NAA60: variants seen among roughly 807,000 people sequenced by gnomAD.
The protein encoded by NAA60 is N-alpha-acetyltransferase 60.
A neutral mutation model predicts 26.1 loss-of-function variants in NAA60; 8 were observed. The ratio of observed to expected loss-of-function variants is 0.31; its 90% confidence interval spans 0.18 to 0.55. NAA60 has a LOEUF of 0.55. Ranked by LOEUF, NAA60 falls within the 20% of genes least tolerant of loss-of-function variation. NAA60 has a pLI of 0.93. For synonymous variants in NAA60, 131 were observed against 122.5 expected, an observed-to-expected ratio of 1.07 and a Z score of -0.46; for missense variants, 290 against 311.3, an observed-to-expected ratio of 0.93 and a Z score of 0.51.
At chr16:3,454,505 A>G (rs2034899571) in intron 2 of NAA60, among the ~76,000 whole-genome samples, 1 of 152,222 alleles carries the variant, frequency 6.6e-6, no homozygotes, top group African/African-American at 2.4e-5. Context: ...ATTATAGCAA[A>G]ACTTTATGGA....
At chr16:3,449,618 G>C (rs1214054585) in intron 2 of NAA60, among the ~76,000 whole-genome samples, 1 of 152,134 alleles carries the variant, frequency 6.6e-6, no homozygotes, top group Non-Finnish European at 1.5e-5. Flanking sequence ...TCAGGAAATG[G>C]AGGTTGCAGT....
Position 3,481,111 on chromosome 16 carries a change from A to T in NAA60, c.241-1391A>T, listed in dbSNP as rs575489632. Among the ~76,000 whole-genome samples, 325 of 150,868 alleles carry T rather than the reference A, an allele frequency of 2.2e-3. 2 individuals carry two copies. Among genetic ancestry groups the T allele is most frequent in the African/African-American group, 7.8e-3 (319 of 41,136 alleles). On this transcript the variant is annotated intron_variant, in intron 4 of 7. Transcript: ENST00000407558. ...GATGTAGCAGAAAGCAAGTGTCAACATTCTTTTCTCTCCTCTTTTTTTTTT... is the reference window on the plus strand; with the variant it reads ...GATGTAGCAGAAAGCAAGTGTCAACTTTCTTTTCTCTCCTCTTTTTTTTTT...
At chr16:3,452,791 C>CA (rs796192635) in intron 2 of NAA60, among the ~76,000 whole-genome samples, 5 of 150,688 alleles carry the variant, frequency 3.3e-5, no homozygotes, top group African/African-American at 1.2e-4. Context: ...TCTGTCTCTA[C>CA]AAAAAAATGA....
chr16:3,467,786 G>C (rs1172382392), intron 2 of NAA60: 1 of 152,260 alleles, frequency 6.6e-6, no homozygotes, highest in Non-Finnish European at 1.5e-5. Context: ...TCCCCTGTGG[G>C]CTGAGCACAT....
rs1341563470 is a variant in NAA60 at position 3,483,468 on chromosome 16, ACTT to A, written c.446_448del (p.Phe149del). On this transcript the variant is annotated inframe_deletion, in exon 6 of 8. Transcript: ENST00000407558. ...CTCACCACCAACAACACAGCAATAA[ACTT>A]CTATGAAAACAGAGACTTCAAGCAG... is the stretch of plus-strand genomic sequence containing the variant. 4 of 1,613,934 alleles carry A rather than the reference ACTT, an allele frequency of 2.5e-6. No individual in the cohort carries two copies. Among genetic ancestry groups the A allele is most frequent in the Non-Finnish European group, 2.5e-6 (3 of 1,179,866 alleles).
At chr16:3,453,764 C>T (rs954108262) in intron 2 of NAA60, among the ~76,000 whole-genome samples, 5 of 152,126 alleles carry the variant, frequency 3.3e-5, no homozygotes, top group Admixed American at 1.3e-4. Context: ...ATAATCAGAA[C>T]GTATGCAGAT....
rs368820869 is a variant in NAA60 at position 3,483,566 on chromosome 16, A to C, written c.541A>C (p.Ile181Leu). 1.2e-5 allele frequency: 20 copies of C among 1,612,548 alleles called. No homozygotes were observed. Among genetic ancestry groups the C allele is most frequent in the Non-Finnish European group, 1.6e-5 (19 of 1,179,514 alleles). Residue 181 changes from isoleucine to leucine, a missense_variant, in exon 6 of 8, where the codon ATC (isoleucine) becomes CTC (leucine). Transcript: ENST00000407558. Reference sequence around the variant, plus strand: ...AGATGGCTTCACCTATGTCCTCTACATCAACGGCGGCCACCCTCCCTGGAC... The same window carrying C: ...AGATGGCTTCACCTATGTCCTCTACCTCAACGGCGGCCACCCTCCCTGGAC... Reference protein sequence around the residue: ...LKDGFTYVLYINGGHPPWTIL... With the variant: ...LKDGFTYVLYLNGGHPPWTIL...
At chr16:3,474,665 CAGTG>C (rs932666374) in intron 2 of NAA60, among the ~76,000 whole-genome samples, 22 of 152,214 alleles carry the variant, frequency 1.4e-4, no homozygotes, top group African/African-American at 5.3e-4. Context: ...CTTTCCTGGG[CAGTG>C]AGTGAGTCCT....
At chr16:3,464,326 A>C (rs959378910) in intron 2 of NAA60, among the ~76,000 whole-genome samples, 1 of 152,142 alleles carries the variant, frequency 6.6e-6, no homozygotes, top group Admixed American at 6.6e-5. Context: ...TTTATATTTG[A>C]TAGTTATTTG....
chr16:3,450,026 G>A (rs1010212356), intron 2 of NAA60: 18 of 362,604 alleles, frequency 5.0e-5, no homozygotes, highest in South Asian at 2.9e-4. Context: ...CTAATACATC[G>A]TCTCAAAAAA....
intron 2 of NAA60, among the ~76,000 whole-genome samples, chr16:3,455,387 T>G (rs1451805954): frequency 1.3e-4 from 8 of 62,302 alleles, no homozygotes; most frequent in South Asian, 4.9e-4. Flanking sequence ...GAGTTTTTAG[T>G]TTTTTTTTTT....
intron 2 of NAA60, among the ~76,000 whole-genome samples, chr16:3,449,668 G>C (rs1204492900): frequency 6.6e-6 from 1 of 152,180 alleles, no homozygotes; most frequent in Non-Finnish European, 1.5e-5. Context: ...CTGGGTGACA[G>C]AGCGAGACCC....
chr16:3,457,601 G>C (rs1215630446), intron 2 of NAA60, among the ~76,000 whole-genome samples: 2 of 152,222 alleles, frequency 1.3e-5, no homozygotes, highest in Admixed American at 6.5e-5. Context: ...GCTGCCAGCT[G>C]GCTCCGGGTG....
chr16:3,479,410 A>C, intron 3 of NAA60, 61 bp from the exon 4 acceptor site: 1 of 1,585,858 alleles, frequency 6.3e-7, no homozygotes, highest in African/African-American at 1.3e-5. Context: ...TGATGTCTAG[A>C]GCACGACCAT....
chr16:3,471,396 G>C (rs917860727), intron 2 of NAA60, among the ~76,000 whole-genome samples: 1 of 152,052 alleles, frequency 6.6e-6, no homozygotes, highest in Non-Finnish European at 1.5e-5. Flanking sequence ...TCAGCTACTC[G>C]GGAGGCTGAG....
chr16:3,453,689 T>A (rs1015589765), intron 2 of NAA60, among the ~76,000 whole-genome samples: 1 of 152,116 alleles, frequency 6.6e-6, no homozygotes, highest in Non-Finnish European at 1.5e-5. Flanking sequence ...ATTACAGGTG[T>A]GAGCCACTGC....
At chr16:3,475,904 T>C (rs1255150102) in intron 2 of NAA60, among the ~76,000 whole-genome samples, 2 of 152,234 alleles carry the variant, frequency 1.3e-5, no homozygotes, top group Non-Finnish European at 2.9e-5. Context: ...AGGACCACTG[T>C]CATAAGATGT....
chr16:3,479,949 C>T (rs1489018944), intron 4 of NAA60, among the ~76,000 whole-genome samples: 1 of 152,214 alleles, frequency 6.6e-6, no homozygotes, highest in Non-Finnish European at 1.5e-5. Context: ...ACCGCTAAGA[C>T]TGCTTCAGCT....
intron 3 of NAA60, among the ~76,000 whole-genome samples, chr16:3,476,717 A>G (rs1253184912): frequency 6.6e-6 from 1 of 152,214 alleles, no homozygotes; most frequent in African/African-American, 2.4e-5. Context: ...AGCCGGGAAA[A>G]AAAAACCTGT....
Sources: gnomAD v4.1 joint callset for allele counts (sites outside exome capture counted in the v4.1 genomes callset) on GRCh38, gnomAD v4.1.1 for gene constraint, MANE v1.5 for transcripts, NCBI Gene and HGNC (gene_info 2026-07-23, HGNC 2026-07-21) for gene names.